SMYD3: variants seen among roughly 807,000 people sequenced by gnomAD.
SMYD3 encodes the protein histone-lysine N-methyltransferase SMYD3.
In SMYD3, 36 loss-of-function variants were observed where a neutral mutation model predicts 57.7. That is an observed-to-expected ratio of 0.62 (90% confidence interval 0.48 to 0.82). The LOEUF is 0.82. Ranked by LOEUF, SMYD3 falls within the 40% of genes least tolerant of loss-of-function variation. The pLI is 0.00. For synonymous variants in SMYD3, 211 were observed against 195.0 expected, an observed-to-expected ratio of 1.08 and a Z score of -0.68; for missense variants, 515 against 538.8, an observed-to-expected ratio of 0.96 and a Z score of 0.44.
chr1:246,462,980 C>T (rs1434445408), intron 1 of SMYD3, among the ~76,000 whole-genome samples: 1 of 151,644 alleles, frequency 6.6e-6, no homozygotes, highest in Non-Finnish European at 1.5e-5. Flanking sequence ...GTGTAGTAGG[C>T]ATGGAAAGGA....
intron 2 of SMYD3, among the ~76,000 whole-genome samples, chr1:246,346,162 T>C (rs1287746699): frequency 6.6e-6 from 1 of 152,132 alleles, no homozygotes; most frequent in Admixed American, 6.5e-5. Context: ...CGGGCACCTG[T>C]AGTCCCAGCT....
At chr1:245,757,559 T>C (rs1483005778) in intron 11 of SMYD3, among the ~76,000 whole-genome samples, 3 of 152,274 alleles carry the variant, frequency 2.0e-5, no homozygotes, top group East Asian at 1.9e-4. Context: ...GTAGAAGCTT[T>C]TGCTCATATG....
At position 246,071,251 on chromosome 1, in the gene SMYD3, A is replaced by C. The variant is rs573924874; in HGVS notation, c.532-141314T>G. ...ATTTTTTGTGTGTGTCTGTAAAAAA[A>C]AATTGTGGGAGTGGGGATGTGTAAT... On this transcript the variant is annotated intron_variant, in intron 5 of 11. Coordinates refer to ENST00000490107, the MANE Select transcript of SMYD3 (RefSeq NM_001167740.2). Among the ~76,000 whole-genome samples, 51 of 152,280 alleles carry C rather than the reference A, an allele frequency of 3.3e-4. 1 individual carries two copies. The highest frequency in any genetic ancestry group is 1.2e-3 in the African/African-American group (49 of 41,544).
intron 1 of SMYD3, among the ~76,000 whole-genome samples, chr1:246,435,946 T>TTAA (rs2067365734): frequency 6.6e-6 from 1 of 152,212 alleles, no homozygotes. Flanking sequence ...GACACTGACC[T>TTAA]TAATAGTCTT....
Position 246,167,398 on chromosome 1 carries a change from G to A in SMYD3, c.531+159803C>T, listed in dbSNP as rs111640026. Among the ~76,000 whole-genome samples the A allele has an allele frequency of 1.6e-3, 243 of 151,802 alleles. 1 individual carries two copies. The highest frequency in any genetic ancestry group is 5.4e-3 in the African/African-American group (225 of 41,382). The stretch of plus-strand genomic sequence containing the variant: ...CCTATCAGCAATGTACAGGGTTCCA[G>A]TTTCTTCACATCCTTACTATTTTCC... On this transcript the variant is annotated intron_variant, in intron 5 of 11. Coordinates refer to ENST00000490107, the MANE Select transcript of SMYD3 (RefSeq NM_001167740.2).
chr1:246,165,359 C>G (rs995367703), intron 5 of SMYD3, among the ~76,000 whole-genome samples: 12 of 152,068 alleles, frequency 7.9e-5, no homozygotes, highest in African/African-American at 2.9e-4. Context: ...TCCCCTCCCT[C>G]GCTTTCTTCC....
chr1:246,013,867 G>A (rs562574527), intron 5 of SMYD3, among the ~76,000 whole-genome samples: 3 of 152,258 alleles, frequency 2.0e-5, no homozygotes, highest in South Asian at 2.1e-4. Context: ...GAGATGAGAG[G>A]GTTGGACAAG....
intron 10 of SMYD3, among the ~76,000 whole-genome samples, chr1:245,765,045 TAC>T (rs3085339): frequency 0.14 from 18,635 of 134,468 alleles, 2,315 homozygotes; most frequent in African/African-American, 0.34. Context: ...TGGAAATGCC[TAC>T]ACACACACAC....
intron 5 of SMYD3, among the ~76,000 whole-genome samples, chr1:246,294,865 T>A (rs964999406): frequency 6.6e-6 from 1 of 152,138 alleles, no homozygotes; most frequent in African/African-American, 2.4e-5. Context: ...TCCCAAAGTG[T>A]TGGGATTACA....
chr1:245,985,389 A>G (rs1039435664), intron 5 of SMYD3, among the ~76,000 whole-genome samples: 14 of 152,220 alleles, frequency 9.2e-5, no homozygotes. Flanking sequence ...AAAGTTATCA[A>G]TACTTAAAAG....
chr1:246,278,248 A>T (rs1038959547), intron 5 of SMYD3, among the ~76,000 whole-genome samples: 2 of 151,694 alleles, frequency 1.3e-5, no homozygotes, highest in African/African-American at 4.8e-5. Flanking sequence ...TTAAGAAAAA[A>T]AAAAAAGCTG....
At chr1:246,237,144 G>A (rs56149956) in intron 5 of SMYD3, among the ~76,000 whole-genome samples, 31,474 of 151,974 alleles carry the variant, frequency 0.21, 3,976 homozygotes, top group East Asian at 0.58. Flanking sequence ...ATGAGTAGGC[G>A]CAGAAAGGAC....
intron 10 of SMYD3, among the ~76,000 whole-genome samples, chr1:245,849,268 T>G (rs2050828149): frequency 6.6e-6 from 1 of 152,224 alleles, no homozygotes; most frequent in South Asian, 2.1e-4. Flanking sequence ...AGCACATGGT[T>G]CTTGACTGGG....
chr1:246,432,237 T>C (rs916176119), intron 1 of SMYD3, among the ~76,000 whole-genome samples: 2 of 152,256 alleles, frequency 1.3e-5, no homozygotes, highest in Admixed American at 6.5e-5. Context: ...TTTCTAATTA[T>C]ATCCATTCTT....
chr1:246,130,681 T>C (rs2148065917), intron 5 of SMYD3, among the ~76,000 whole-genome samples: 1 of 152,346 alleles, frequency 6.6e-6, no homozygotes, highest in East Asian at 1.9e-4. Flanking sequence ...ATGCCACTCA[T>C]TGCACTCCAG....
chr1:246,192,713 T>C (rs2062758940), intron 5 of SMYD3, among the ~76,000 whole-genome samples: 1 of 152,200 alleles, frequency 6.6e-6, no homozygotes, highest in Non-Finnish European at 1.5e-5. Context: ...GTAATGATTG[T>C]AATGATTACA....
At chr1:245,954,975 C>T (rs1324124952) in intron 5 of SMYD3, among the ~76,000 whole-genome samples, 2 of 152,188 alleles carry the variant, frequency 1.3e-5, no homozygotes, top group East Asian at 3.8e-4. Context: ...AAAATTCTCT[C>T]GTGTGACATC....
At chr1:246,123,043 G>A (rs1170192390) in intron 5 of SMYD3, among the ~76,000 whole-genome samples, 1 of 152,128 alleles carries the variant, frequency 6.6e-6, no homozygotes, top group East Asian at 1.9e-4. Context: ...ATTAAGAGGA[G>A]ATAACAGACT....
chr1:246,039,020 AC>A (rs2059824670), intron 5 of SMYD3, among the ~76,000 whole-genome samples: 1 of 152,202 alleles, frequency 6.6e-6, no homozygotes, highest in African/African-American at 2.4e-5. Context: ...TCAAGTCTCT[AC>A]CAGAGTTTAA....
Sources: gnomAD v4.1 joint callset for allele counts (sites outside exome capture counted in the v4.1 genomes callset) on GRCh38, gnomAD v4.1.1 for gene constraint, MANE v1.5 for transcripts, NCBI Gene and HGNC (gene_info 2026-07-23, HGNC 2026-07-21) for gene names.